ZNF609: variants seen among roughly 807,000 people sequenced by gnomAD.
ZNF609 encodes the protein zinc finger protein 609.
In ZNF609, 11 loss-of-function variants were observed where a neutral mutation model predicts 109.5. That is an observed-to-expected ratio of 0.10 (90% CI 0.06 to 0.17). The LOEUF (loss-of-function observed/expected upper bound fraction) is 0.17, where lower values mean the gene tolerates loss of function less well. ZNF609 is among the 10% of genes least tolerant of loss of function. The probability of loss-of-function intolerance (pLI) is 1.00; values close to 1 mark genes in which losing one functional copy is unlikely to be tolerated. For synonymous variants in ZNF609, 646 were observed against 662.0 expected (o/e 0.98, Z 0.37); for missense variants, 1,559 against 1,772.4 (o/e 0.88, Z 2.16).
intron 2 of ZNF609, among the ~76,000 whole-genome samples, chr15:64,560,791 A>G (rs1042044843): frequency 6.6e-6 from 1 of 152,214 alleles, no homozygotes; most frequent in Non-Finnish European, 1.5e-5. Context: ...CATAGAATGT[A>G]TATTTTAATT....
chr15:64,660,406 G>A (rs983870101), intron 3 of ZNF609, among the ~76,000 whole-genome samples: 2 of 152,008 alleles, frequency 1.3e-5, no homozygotes, highest in East Asian at 1.9e-4. Flanking sequence ...GTTAGGATTC[G>A]GTTACCAAAT....
intron 1 of ZNF609, among the ~76,000 whole-genome samples, chr15:64,483,539 A>T (rs1174701129): frequency 1.3e-5 from 2 of 151,960 alleles, no homozygotes; most frequent in African/African-American, 4.8e-5. Context: ...GATGCATACC[A>T]CCACGCCTGG....
chr15:64,573,333 G>A (rs1240956100), intron 2 of ZNF609, among the ~76,000 whole-genome samples: 2 of 139,398 alleles, frequency 1.4e-5, no homozygotes, highest in Non-Finnish European at 3.1e-5. Flanking sequence ...AGTAGAGTTA[G>A]TGGCCCAACT....
intron 3 of ZNF609, among the ~76,000 whole-genome samples, chr15:64,647,864 C>T (rs1042117843): frequency 1.3e-5 from 2 of 152,148 alleles, no homozygotes; most frequent in African/African-American, 4.8e-5. Context: ...TGTCCAAACT[C>T]CCTTTTCTCT....
At chr15:64,641,975 C>T (rs1301029954) in intron 3 of ZNF609, among the ~76,000 whole-genome samples, 1 of 151,754 alleles carries the variant, frequency 6.6e-6, no homozygotes, top group African/African-American at 2.4e-5. Context: ...TTTGACCCTT[C>T]CTTACAGTCA....
chr15:64,650,611 G>A (rs1838535842), intron 3 of ZNF609, among the ~76,000 whole-genome samples: 1 of 152,078 alleles, frequency 6.6e-6, no homozygotes. Flanking sequence ...TACTTTAGCA[G>A]GGCAGCCAGT....
chr15:64,505,546 G>T (rs1282888271), intron 2 of ZNF609, among the ~76,000 whole-genome samples: 1 of 152,148 alleles, frequency 6.6e-6, no homozygotes, highest in East Asian at 1.9e-4. Context: ...AACAGAGATG[G>T]TCTCTGCTTT....
At chr15:64,613,279 T>C (rs567347691) in intron 2 of ZNF609, among the ~76,000 whole-genome samples, 1 of 151,856 alleles carries the variant, frequency 6.6e-6, no homozygotes, top group South Asian at 2.1e-4. Flanking sequence ...CATAATCACA[T>C]GAGCCTGGAA....
intron 3 of ZNF609, among the ~76,000 whole-genome samples, chr15:64,632,347 C>G (rs1053736997): frequency 8.5e-5 from 13 of 152,226 alleles, no homozygotes; most frequent in African/African-American, 2.9e-4. Flanking sequence ...AGCAACCACA[C>G]CCAGCCTCTA....
intron 3 of ZNF609, among the ~76,000 whole-genome samples, chr15:64,661,683 T>C (rs1439007613): frequency 6.6e-6 from 1 of 152,208 alleles, no homozygotes; most frequent in Non-Finnish European, 1.5e-5. Context: ...TCTGGCCTTA[T>C]TTATCCTTAT....
intron 2 of ZNF609, among the ~76,000 whole-genome samples, chr15:64,577,625 A>T (rs1411902905): frequency 9.2e-4 from 28 of 30,396 alleles, no homozygotes; most frequent in African/African-American, 2.7e-3. Flanking sequence ...ATGTGTATAT[A>T]TACACATATA....
chr15:64,591,870 C>G (rs1895305028), intron 2 of ZNF609, among the ~76,000 whole-genome samples: 2 of 152,174 alleles, frequency 1.3e-5, no homozygotes, highest in South Asian at 4.1e-4. Flanking sequence ...CACCACCACG[C>G]CCAGCTAATT....
intron 2 of ZNF609, among the ~76,000 whole-genome samples, chr15:64,536,899 G>T (rs1363191170): frequency 3.7e-5 from 4 of 107,960 alleles, no homozygotes; most frequent in Admixed American, 1.2e-4. Flanking sequence ...GACAGAGAGA[G>T]ACCCTGTCTC....
At position 64,587,944 on chromosome 15, in the gene ZNF609, T is replaced by C. The variant is rs1322318631; in HGVS notation, c.748-34883T>C. Reference sequence around the variant, plus strand: ...TTGGCCAGCAGGGGTTTTTCCATGTTGGTCAGGCTGGTCTTGAACTCCCGA... The same window carrying C: ...TTGGCCAGCAGGGGTTTTTCCATGTCGGTCAGGCTGGTCTTGAACTCCCGA... On this transcript the variant is annotated intron_variant, in intron 2 of 9. Transcript: ENST00000326648. Among the ~76,000 whole-genome samples, 7 of 151,818 alleles carry C rather than the reference T, an allele frequency of 4.6e-5. No homozygotes were observed. The Middle Eastern group carries it at 0.014, about 295-fold the overall frequency.
intron 2 of ZNF609, among the ~76,000 whole-genome samples, chr15:64,556,613 C>T (rs934332447): frequency 6.6e-6 from 1 of 152,088 alleles, no homozygotes; most frequent in Non-Finnish European, 1.5e-5. Context: ...AAATTATTGC[C>T]CTTCCCTCCT....
intron 2 of ZNF609, among the ~76,000 whole-genome samples, chr15:64,579,631 G>T: frequency 6.6e-6 from 1 of 151,726 alleles, no homozygotes; most frequent in African/African-American, 2.4e-5. Flanking sequence ...AATCACTTAA[G>T]CCCAGGAGGC....
chr15:64,493,961 G>T (rs918920426), intron 1 of ZNF609, among the ~76,000 whole-genome samples: 2 of 152,202 alleles, frequency 1.3e-5, no homozygotes, highest in African/African-American at 4.8e-5. Flanking sequence ...CAGGCTGATT[G>T]AAGAATCCTT....
chr15:64,675,413 G>T lies in ZNF609; in HGVS notation c.2559G>T (p.Glu853Asp). Residue 853 changes from glutamate to aspartate, a missense_variant, in exon 5 of 10, where the codon GAG (glutamate) becomes GAT (aspartate). Coordinates refer to ENST00000326648, the MANE Select transcript of ZNF609 (RefSeq NM_015042.2). Reference sequence around the variant, plus strand: ...ACTCTGACATCTCTGATGCTGGGGAGGATGGGGAGGGCAAGGTAGACAGTG... The same window carrying T: ...ACTCTGACATCTCTGATGCTGGGGATGATGGGGAGGGCAAGGTAGACAGTG... Reference protein sequence around the residue: ...PAYSDISDAGEDGEGKVDSVK... With the variant: ...PAYSDISDAGDDGEGKVDSVK... The T allele has an allele frequency of 6.2e-7, 1 of 1,614,190 alleles. No individual in the cohort carries two copies.
intron 2 of ZNF609, among the ~76,000 whole-genome samples, chr15:64,595,606 C>A (rs1461250518): frequency 1.3e-5 from 2 of 152,120 alleles, no homozygotes; most frequent in Non-Finnish European, 2.9e-5. Flanking sequence ...TCTAGCTGAA[C>A]AAGCCCTAAT....
Sources: allele counts gnomAD v4.1 joint callset (sites outside exome capture counted in the v4.1 genomes callset), GRCh38; gene constraint gnomAD v4.1.1; transcripts MANE v1.5; gene names NCBI Gene and HGNC (gene_info 2026-07-23, HGNC 2026-07-21).